Variants in PPP2R2C observed in about 807,000 individuals in gnomAD.
PPP2R2C encodes the protein protein phosphatase 2 regulatory subunit Bgamma, also known as protein phosphatase 2, regulatory subunit B, gamma.
A neutral mutation model predicts 45.3 loss-of-function variants in PPP2R2C; 10 were observed. The observed-to-expected ratio is 0.22, with a 90% confidence interval of 0.14 to 0.37. PPP2R2C has a LOEUF of 0.37. Ranked by LOEUF, PPP2R2C falls within the 10% of genes least tolerant of loss-of-function variation. PPP2R2C has a pLI of 1.00. For missense variants in PPP2R2C, 308 were observed against 619.7 expected (o/e 0.50, Z 5.34); for synonymous variants, 257 against 245.4 (o/e 1.05, Z -0.44).
intron 1 of PPP2R2C, among the ~76,000 whole-genome samples, chr4:6,409,816 C>G (rs1468181257): frequency 1.3e-5 from 2 of 152,212 alleles, no homozygotes; most frequent in African/African-American, 4.8e-5. Context: ...GCCCCGCTCC[C>G]CAAACATGCG....
At chr4:6,429,513 G>A (rs951055943) in intron 1 of PPP2R2C, among the ~76,000 whole-genome samples, 5 of 152,202 alleles carry the variant, frequency 3.3e-5, no homozygotes, top group Non-Finnish European at 7.3e-5. Flanking sequence ...AGGTATCCCA[G>A]TGAATGTCAA....
At chr4:6,438,455 T>C (rs57623913) in intron 1 of PPP2R2C, among the ~76,000 whole-genome samples, 7,932 of 152,308 alleles carry the variant, frequency 0.052, 687 homozygotes, top group African/African-American at 0.18. Context: ...GGTCTCCCTC[T>C]GTACCCAGGC....
intron 2 of PPP2R2C, among the ~76,000 whole-genome samples, chr4:6,486,131 T>C (rs890003884): frequency 6.6e-6 from 1 of 152,060 alleles, no homozygotes; most frequent in Non-Finnish European, 1.5e-5. Flanking sequence ...TTCCCTTTCT[T>C]GGACACATGG....
At chr4:6,541,004 G>T (rs544962410) in intron 1 of PPP2R2C, among the ~76,000 whole-genome samples, 1 of 152,182 alleles carries the variant, frequency 6.6e-6, no homozygotes, top group Non-Finnish European at 1.5e-5. Context: ...GTGTCCTCAA[G>T]TCACTTCATG....
intron 2 of PPP2R2C, among the ~76,000 whole-genome samples, chr4:6,533,105 G>T (rs190309258): frequency 1.3e-5 from 2 of 152,188 alleles, no homozygotes; most frequent in Non-Finnish European, 2.9e-5. Flanking sequence ...GCTTGCAAAC[G>T]TGACTTTAGA....
chr4:6,392,985 G>C (rs539510074), intron 1 of PPP2R2C, among the ~76,000 whole-genome samples: 82 of 152,268 alleles, frequency 5.4e-4, no homozygotes, highest in African/African-American at 1.8e-3. Context: ...CCTCGCTCCA[G>C]GTCTATGAGG....
chr4:6,461,255 G>A lies in PPP2R2C; in HGVS notation c.70+10905C>T, dbSNP rs115703508. The stretch of plus-strand genomic sequence containing the variant: ...AGGGGAGGGTCAGGGGTTGAGTGAG[G>A]GTGTCTCCAGCACAGGATTCTTAGT... On this transcript the variant is annotated intron_variant, in intron 1 of 8. Transcript: ENST00000382599. Among the ~76,000 whole-genome samples, 416 of 152,242 alleles carry A rather than the reference G, an allele frequency of 2.7e-3. 4 individuals are homozygous for A. The highest frequency in any genetic ancestry group is 9.4e-3 in the African/African-American group (389 of 41,550).
At chr4:6,511,017 T>C (rs1046582377) in intron 2 of PPP2R2C, among the ~76,000 whole-genome samples, 1 of 131,916 alleles carries the variant, frequency 7.6e-6, no homozygotes, top group African/African-American at 3.1e-5. Flanking sequence ...AAACAGAAAA[T>C]GTTTGTTGAA....
At chr4:6,533,042 G>A (rs1355512574) in intron 2 of PPP2R2C, among the ~76,000 whole-genome samples, 4 of 152,234 alleles carry the variant, frequency 2.6e-5, no homozygotes, top group African/African-American at 7.2e-5. Flanking sequence ...TAAGCAGGGG[G>A]ATGAGAGACG....
Position 6,329,446 on chromosome 4 carries a change from A to G in PPP2R2C, c.961-93T>C, listed in dbSNP as rs1732223997. On this transcript the variant is annotated intron_variant, in intron 7 of 8. Coordinates refer to ENST00000382599, the MANE Select transcript of PPP2R2C (RefSeq NM_020416.4). The surrounding 1 kb of genome is among the most constrained non-coding windows in gnomAD (Gnocchi z 5.8). ...GTCTCAAAGAGCAGCGAGGGTCTGC[A>G]TGCCCTGACATGGCCCAGCGCAGAC... is the stretch of plus-strand genomic sequence containing the variant. 1 of 1,061,298 alleles carries G rather than the reference A, an allele frequency of 9.4e-7. No individual in the cohort carries two copies. The highest frequency in any genetic ancestry group is 1.4e-6 in the Non-Finnish European group (1 of 690,454). 65.7% of individuals were successfully genotyped at this position (1,061,298 alleles called of 1,614,324 possible).
intron 5 of PPP2R2C, among the ~76,000 whole-genome samples, chr4:6,361,240 C>T (rs963588996): frequency 5.3e-5 from 8 of 152,186 alleles, no homozygotes; most frequent in African/African-American, 1.4e-4. Flanking sequence ...TCTATTTCAC[C>T]GCTCACTGCA....
At chr4:6,522,866 C>T (rs918213166) in intron 2 of PPP2R2C, among the ~76,000 whole-genome samples, 10 of 152,262 alleles carry the variant, frequency 6.6e-5, no homozygotes, top group African/African-American at 2.2e-4. Flanking sequence ...CAATAGGGAC[C>T]ATCCCCTGAT....
At chr4:6,361,769 T>G (rs7441682) in intron 5 of PPP2R2C, among the ~76,000 whole-genome samples, 98,539 of 152,068 alleles carry the variant, frequency 0.65, 32,243 homozygotes, top group South Asian at 0.73. Context: ...AGCTGGGATG[T>G]GCACCCAGGC....
intron 2 of PPP2R2C, 56 bp downstream of exon 2, chr4:6,380,941 C>T: frequency 2.1e-6 from 3 of 1,458,834 alleles, no homozygotes; most frequent in South Asian, 2.9e-5. Flanking sequence ...TGCCCGCCTC[C>T]CACCTGACTC....
At position 6,376,073 on chromosome 4, in the gene PPP2R2C, G is replaced by T. The variant is rs1240262858; in HGVS notation, c.335-142C>A. 4.4e-6 allele frequency: 3 copies of T among 688,882 alleles called. No homozygotes were observed. In the African/African-American group the frequency reaches 5.5e-5, roughly 13 times the overall value. 42.7% of individuals were successfully genotyped at this position (688,882 alleles called of 1,614,324 possible). ...CAACAGACGGCTTTGGACCAGAACT[G>T]CAGCTCTGTCTCGAGGCCTCCAGCC... On this transcript the variant is annotated intron_variant, in intron 3 of 8. Coordinates refer to ENST00000382599, the MANE Select transcript of PPP2R2C (RefSeq NM_020416.4).
chr4:6,362,880 GCACCCCCTTTCCCC>G (rs1290411582), intron 5 of PPP2R2C, among the ~76,000 whole-genome samples: 1 of 33,894 alleles, frequency 3.0e-5, no homozygotes, highest in Admixed American at 4.1e-4. Flanking sequence ...CCTTTCCCCT[GCACCCCCTTTCCCC>G]TTTGACTTTG....
chr4:6,372,069 C>A (rs1016982500), intron 5 of PPP2R2C, among the ~76,000 whole-genome samples: 7 of 152,252 alleles, frequency 4.6e-5, no homozygotes, highest in African/African-American at 1.7e-4. Context: ...GGGCTTCTGA[C>A]ACCCTGGTTG....
At position 6,324,594 on chromosome 4, in the gene PPP2R2C, G is replaced by A. The variant is rs1425347799; in HGVS notation, c.1053-1001C>T. Among the ~76,000 whole-genome samples the A allele has an allele frequency of 6.6e-6, 1 of 152,194 alleles. No individual in the cohort carries two copies. Among genetic ancestry groups the A allele is most frequent in the African/African-American group, 2.4e-5 (1 of 41,458 alleles). On this transcript the variant is annotated intron_variant, in intron 8 of 8. Coordinates refer to ENST00000382599, the MANE Select transcript of PPP2R2C (RefSeq NM_020416.4). This position sits in a 1 kb window ranked among gnomAD's most constrained non-coding sequence, Gnocchi z 4.1. ...AGGCCCTGCTTCCCTCCAGGGGCCC[G>A]CCTGTCCCGAGGACTCGGGCGAATA...
intron 1 of PPP2R2C, among the ~76,000 whole-genome samples, chr4:6,391,384 G>C (rs1284678911): frequency 6.6e-6 from 1 of 152,188 alleles, no homozygotes; most frequent in African/African-American, 2.4e-5. Flanking sequence ...GCTGTGCAGG[G>C]AACTCGCCCT....
Sources: gnomAD v4.1 joint callset for allele counts (sites outside exome capture counted in the v4.1 genomes callset) on GRCh38, gnomAD v4.1.1 for gene constraint, Gnocchi (gnomAD v3.1) non-coding constraint, MANE v1.5 for transcripts, NCBI Gene and HGNC (gene_info 2026-07-23, HGNC 2026-07-21) for gene names.